Variants in RMST observed in about 807,000 individuals in gnomAD.
The protein encoded by RMST is rhabdomyosarcoma 2 associated transcript, also known as long intergenic non-protein coding RNA 54.
intron 11 of RMST, among the ~76,000 whole-genome samples, chr12:97,554,321 A>T (rs1883536607): frequency 6.6e-6 from 1 of 152,190 alleles, no homozygotes; most frequent in South Asian, 2.1e-4. Context: ...TGTTATTATT[A>T]TCATTATTAA....
At chr12:97,465,543 A>G (rs1337272388) in intron 4 of RMST, 1 of 152,210 alleles carries the variant, frequency 6.6e-6, no homozygotes, top group Non-Finnish European at 1.5e-5. Flanking sequence ...TGATGACAAA[A>G]TAGGTATCAG....
intron 10 of RMST, among the ~76,000 whole-genome samples, chr12:97,497,278 C>T (rs1180426396): frequency 6.6e-6 from 1 of 152,216 alleles, no homozygotes; most frequent in African/African-American, 2.4e-5. Flanking sequence ...AGAATCTTTT[C>T]AAGGGCTTGA....
At chr12:97,513,035 C>A (rs956077985) in intron 10 of RMST, among the ~76,000 whole-genome samples, 1 of 152,222 alleles carries the variant, frequency 6.6e-6, no homozygotes, top group Non-Finnish European at 1.5e-5. Context: ...GCTCCAACTG[C>A]GGGGTCCGCC....
intron 10 of RMST, among the ~76,000 whole-genome samples, chr12:97,527,530 T>C (rs994328310): frequency 6.6e-6 from 1 of 152,144 alleles, no homozygotes; most frequent in Non-Finnish European, 1.5e-5. Flanking sequence ...GTAAGAGTGC[T>C]AAGAAAAGTA....
At chr12:97,527,280 A>G (rs957732777) in intron 10 of RMST, among the ~76,000 whole-genome samples, 2 of 152,180 alleles carry the variant, frequency 1.3e-5, no homozygotes, top group Admixed American at 6.5e-5. Context: ...TCTATGGAGA[A>G]TGTTTCCAAA....
intron 5 of RMST, among the ~76,000 whole-genome samples, chr12:97,486,167 T>C (rs1184207917): frequency 6.6e-6 from 1 of 152,198 alleles, no homozygotes; most frequent in Non-Finnish European, 1.5e-5. Context: ...TCCATTTACC[T>C]TGGATACAAA....
chr12:97,463,948 T>G (rs1872880496), intron 4 of RMST, among the ~76,000 whole-genome samples: 1 of 152,168 alleles, frequency 6.6e-6, no homozygotes, highest in African/African-American at 2.4e-5. Flanking sequence ...GTAGAGATAT[T>G]ACTAAAACTT....
chr12:97,535,166 T>C (rs1035069582), intron 11 of RMST, among the ~76,000 whole-genome samples: 29 of 151,778 alleles, frequency 1.9e-4, no homozygotes, highest in Non-Finnish European at 3.8e-4. Flanking sequence ...TTTAATAAAA[T>C]CATAAAAAAT....
At chr12:97,546,789 A>C (rs1282597370) in intron 11 of RMST, among the ~76,000 whole-genome samples, 4 of 152,164 alleles carry the variant, frequency 2.6e-5, no homozygotes, top group Non-Finnish European at 2.9e-5. Flanking sequence ...ATTATCTCAC[A>C]TACTTATCTT....
At chr12:97,488,506 AT>A (rs1876379986) in intron 5 of RMST, among the ~76,000 whole-genome samples, 1 of 152,196 alleles carries the variant, frequency 6.6e-6, no homozygotes, top group Non-Finnish European at 1.5e-5. Context: ...GCCAAAGAAT[AT>A]CTGGTCTCTG....
intron 5 of RMST, among the ~76,000 whole-genome samples, chr12:97,481,510 T>C (rs1875275282): frequency 6.6e-6 from 1 of 152,196 alleles, no homozygotes; most frequent in African/African-American, 2.4e-5. Flanking sequence ...AAAAGCTTTA[T>C]TTATCCACAT....
intron 10 of RMST, among the ~76,000 whole-genome samples, chr12:97,501,148 C>A (rs1401188511): frequency 6.6e-6 from 1 of 152,158 alleles, no homozygotes; most frequent in African/African-American, 2.4e-5. Context: ...GAAGATAAGG[C>A]AGTTTTCTTA....
At chr12:97,464,878 G>A (rs11109043) in intron 4 of RMST, 28,990 of 152,122 alleles carry the variant, frequency 0.19, 2,794 homozygotes, top group Non-Finnish European at 0.2. Flanking sequence ...AAACACTGCT[G>A]TCCCACTAAA....
chr12:97,545,261 A>G (rs1040644842), intron 11 of RMST, among the ~76,000 whole-genome samples: 18 of 152,092 alleles, frequency 1.2e-4, no homozygotes, highest in African/African-American at 4.3e-4. Flanking sequence ...AATAGTACCA[A>G]CATTTATGGA....
At position 97,464,637 on chromosome 12, in the gene RMST, A is replaced by G. The variant is rs139586450; in HGVS notation, n.585-1031A>G. Among the ~76,000 whole-genome samples, 533 of 152,274 alleles carry G rather than the reference A, an allele frequency of 3.5e-3. 5 individuals are homozygous for G. The highest frequency in any genetic ancestry group is 0.027 in the Middle Eastern group (8 of 294). On this transcript the variant is annotated intron_variant and non_coding_transcript_variant, in intron 4 of 13. Coordinates refer to ENST00000640149, the Ensembl canonical transcript of RMST. ...TTAATTTTGGCTTTCACACCAGTGG[A>G]GATGAAAAGAGATCTGAACTCATTT...
At chr12:97,521,104 C>T (rs1374326323) in intron 10 of RMST, among the ~76,000 whole-genome samples, 1 of 152,152 alleles carries the variant, frequency 6.6e-6, no homozygotes, top group Non-Finnish European at 1.5e-5. Flanking sequence ...TTTGCTTACC[C>T]ACCTGTAATC....
chr12:97,466,018 G>A (rs1873141230), intron 5 of RMST, among the ~76,000 whole-genome samples: 1 of 152,034 alleles, frequency 6.6e-6, no homozygotes, highest in Non-Finnish European at 1.5e-5. Context: ...ATCAATAAAA[G>A]TAATATTTAT....
intron 5 of RMST, among the ~76,000 whole-genome samples, chr12:97,489,568 G>C (rs1209006434): frequency 6.6e-6 from 1 of 152,092 alleles, no homozygotes; most frequent in African/African-American, 2.4e-5. Context: ...TCAAAAATAG[G>C]GGGAATAAAA....
At chr12:97,556,373 G>A (rs1236582318) in intron 11 of RMST, among the ~76,000 whole-genome samples, 1 of 152,198 alleles carries the variant, frequency 6.6e-6, no homozygotes, top group Non-Finnish European at 1.5e-5. Flanking sequence ...AGTGTGACGT[G>A]TTAAAAGGCA....
Sources: allele counts gnomAD v4.1 joint callset (sites outside exome capture counted in the v4.1 genomes callset), GRCh38; gene constraint gnomAD v4.1.1; transcripts MANE v1.5; gene names NCBI Gene and HGNC (gene_info 2026-07-23, HGNC 2026-07-21).